Variants in TRIM44 observed in about 807,000 individuals in gnomAD.
TRIM44 encodes tripartite motif containing 44.
TRIM44 carries 13 observed loss-of-function variants against 37.4 expected under a neutral mutation model. That is an observed-to-expected ratio of 0.35 (90% confidence interval 0.23 to 0.55). The LOEUF is 0.55. TRIM44 is among the 20% of genes least tolerant of loss of function. The pLI is 0.89. For missense variants in TRIM44, 426 were observed against 437.2 expected, an observed-to-expected ratio of 0.97 and a Z score of 0.23; for synonymous variants, 175 against 157.2, an observed-to-expected ratio of 1.11 and a Z score of -0.85.
At chr11:35,770,510 A>G (rs1852852733) in intron 4 of TRIM44, among the ~76,000 whole-genome samples, 1 of 152,202 alleles carries the variant, frequency 6.6e-6, no homozygotes. Flanking sequence ...ATTCCCATCA[A>G]CTGTGTATAA....
At chr11:35,763,067 A>G (rs1414888313) in intron 4 of TRIM44, among the ~76,000 whole-genome samples, 2 of 152,214 alleles carry the variant, frequency 1.3e-5, no homozygotes, top group African/African-American at 2.4e-5. Context: ...CTCACATACT[A>G]CATGTCCACT....
intron 1 of TRIM44, among the ~76,000 whole-genome samples, chr11:35,673,791 A>G (rs1004123395): frequency 6.6e-6 from 1 of 152,066 alleles, no homozygotes; most frequent in Non-Finnish European, 1.5e-5. Flanking sequence ...TCCTCTGGTG[A>G]TAAAGGACTC....
intron 2 of TRIM44, among the ~76,000 whole-genome samples, chr11:35,708,910 A>C (rs1254332389): frequency 6.6e-6 from 1 of 151,806 alleles, no homozygotes; most frequent in Non-Finnish European, 1.5e-5. Context: ...TTAAAATATA[A>C]TAATAATAAA....
chr11:35,681,952 CTTTTTTTTTTT>C (rs35760830), intron 1 of TRIM44, among the ~76,000 whole-genome samples: 16 of 101,366 alleles, frequency 1.6e-4, no homozygotes, highest in African/African-American at 5.4e-4. Context: ...ATGTCCCATA[CTTTTTTTTTTT>C]TTTTTTTTTT....
chr11:35,779,222 T>C (rs2938186), intron 4 of TRIM44, among the ~76,000 whole-genome samples: 128,148 of 152,216 alleles, frequency 0.84, 54,186 homozygotes, highest in Middle Eastern at 0.86. Flanking sequence ...AGCGAGGCTC[T>C]GTGGGCATGG....
At position 35,814,518 on chromosome 11, in the gene TRIM44, T is replaced by G. The variant is rs1438681225; in HGVS notation, c.*8133T>G. ...GCACTCTGGGGTAACCTGGCCCTGA[T>G]CTGATGACGCTAAGATTTAAAAACC... On this transcript the variant is annotated 3_prime_UTR_variant, in exon 5 of 5. Transcript: ENST00000299413. 1 of 152,188 alleles carries G rather than the reference T, an allele frequency of 6.6e-6. No homozygotes were observed. The highest frequency in any genetic ancestry group is 2.4e-5 in the African/African-American group (1 of 41,448). 9.4% of individuals were successfully genotyped at this position (152,188 alleles called of 1,614,324 possible).
chr11:35,709,663 C>T (rs1010132113), intron 2 of TRIM44, among the ~76,000 whole-genome samples: 1 of 152,034 alleles, frequency 6.6e-6, no homozygotes, highest in Non-Finnish European at 1.5e-5. Flanking sequence ...AATGCAAATC[C>T]GTGGGGCTCC....
intron 4 of TRIM44, among the ~76,000 whole-genome samples, chr11:35,750,331 G>A (rs914888740): frequency 6.6e-6 from 1 of 152,072 alleles, no homozygotes; most frequent in Non-Finnish European, 1.5e-5. Flanking sequence ...TTAAAGGATC[G>A]GCAGCCTACT....
chr11:35,685,781 A>G (rs778858557), intron 2 of TRIM44, among the ~76,000 whole-genome samples: 3 of 152,062 alleles, frequency 2.0e-5, no homozygotes, highest in Admixed American at 6.6e-5. Flanking sequence ...CTCCTGCCTC[A>G]GCCTCCTGAG....
chr11:35,676,401 C>T (rs2135486314), intron 1 of TRIM44, among the ~76,000 whole-genome samples: 1 of 152,316 alleles, frequency 6.6e-6, no homozygotes, highest in African/African-American at 2.4e-5. Flanking sequence ...TCTGTTCCTT[C>T]TGCCTGCTCT....
At chr11:35,752,972 C>T (rs542825223) in intron 4 of TRIM44, among the ~76,000 whole-genome samples, 2 of 152,154 alleles carry the variant, frequency 1.3e-5, no homozygotes, top group South Asian at 4.1e-4. Context: ...AAATTTTGTC[C>T]ATTTCACAAC....
chr11:35,718,871 A>G (rs1590539201), intron 2 of TRIM44, among the ~76,000 whole-genome samples: 1 of 146,976 alleles, frequency 6.8e-6, no homozygotes, highest in Non-Finnish European at 1.5e-5. Flanking sequence ...ATGTATGTTC[A>G]TGACCTGATA....
rs749210852 is a variant in TRIM44 at position 35,811,048 on chromosome 11, A to G, written c.*4663A>G. 1.3e-5 allele frequency: 2 copies of G among 152,180 alleles called. No individual in the cohort carries two copies. The highest frequency in any genetic ancestry group is 2.9e-5 in the Non-Finnish European group (2 of 68,026). The allele number at this position is 152,180 out of a possible 1,614,324, so 9.4% of individuals were successfully genotyped here. On this transcript the variant is annotated 3_prime_UTR_variant, in exon 5 of 5. Coordinates refer to ENST00000299413, the MANE Select transcript of TRIM44 (RefSeq NM_017583.6). ...GGAAATCAATAAACTATTACTGGAA[A>G]TGCCATTTGTCTCTCAGAGTTGTGC...
At chr11:35,708,460 C>A (rs1277206445) in intron 2 of TRIM44, among the ~76,000 whole-genome samples, 3 of 151,848 alleles carry the variant, frequency 2.0e-5, no homozygotes, top group Admixed American at 6.5e-5. Flanking sequence ...GACACATGCA[C>A]ATGTATGTTT....
At position 35,808,265 on chromosome 11, in the gene TRIM44, A is replaced by G. The variant is rs1191716602; in HGVS notation, c.*1880A>G. ...AACTGATGGCCAAGAAATGGCTAGGACAATTTTGGTGCTTTACCTATCTCT... is the reference window on the plus strand; with the variant it reads ...AACTGATGGCCAAGAAATGGCTAGGGCAATTTTGGTGCTTTACCTATCTCT... On this transcript the variant is annotated 3_prime_UTR_variant, in exon 5 of 5. Coordinates refer to ENST00000299413, the MANE Select transcript of TRIM44 (RefSeq NM_017583.6). The G allele has an allele frequency of 6.7e-6, 1 of 149,716 alleles. No individual in the cohort carries two copies. The highest frequency in any genetic ancestry group is 2.4e-5 in the African/African-American group (1 of 40,954). 9.3% of individuals were successfully genotyped at this position (149,716 alleles called of 1,614,324 possible).
At chr11:35,788,571 C>A (rs1853158921) in intron 4 of TRIM44, among the ~76,000 whole-genome samples, 1 of 152,172 alleles carries the variant, frequency 6.6e-6, no homozygotes. Context: ...TGGCCTCTAA[C>A]AAGAATGCCC....
chr11:35,813,890 G>A lies in TRIM44; in HGVS notation c.*7505G>A, dbSNP rs933808282. On this transcript the variant is annotated 3_prime_UTR_variant, in exon 5 of 5. Coordinates refer to ENST00000299413, the MANE Select transcript of TRIM44 (RefSeq NM_017583.6). The stretch of plus-strand genomic sequence containing the variant: ...ACTTTTATTGTTTCATGAGCCTCTG[G>A]TGTTCAGAGAGTTTTTTTCACAGCT... 1 of 152,130 alleles carries A rather than the reference G, an allele frequency of 6.6e-6. No individual in the cohort carries two copies. Among genetic ancestry groups the A allele is most frequent in the African/African-American group, 2.4e-5 (1 of 41,440 alleles). The allele number at this position is 152,130 out of a possible 1,614,324, so 9.4% of individuals were successfully genotyped here.
At chr11:35,707,269 C>T (rs1361813867) in intron 2 of TRIM44, among the ~76,000 whole-genome samples, 14 of 152,194 alleles carry the variant, frequency 9.2e-5, no homozygotes, top group South Asian at 2.1e-4. Context: ...AAAGAGGATA[C>T]GAAGAAATGG....
chr11:35,791,787 C>G (rs1334722081), intron 4 of TRIM44, among the ~76,000 whole-genome samples: 2 of 152,118 alleles, frequency 1.3e-5, no homozygotes, highest in Non-Finnish European at 2.9e-5. Flanking sequence ...CACTTCTTCT[C>G]TTATGGCTCA....
Sources: gnomAD v4.1 joint callset for allele counts (sites outside exome capture counted in the v4.1 genomes callset) on GRCh38, gnomAD v4.1.1 for gene constraint, MANE v1.5 for transcripts, NCBI Gene and HGNC (gene_info 2026-07-23, HGNC 2026-07-21) for gene names.